The following ZBBX variants were observed in gnomAD, a reference collection of about 807,000 sequenced individuals.
ZBBX encodes the protein zinc finger B-box domain containing, also known as zinc finger B-box domain-containing protein 1.
A neutral mutation model predicts 108.5 loss-of-function variants in ZBBX; 101 were observed. The ratio of observed to expected loss-of-function variants is 0.93; its 90% CI spans 0.79 to 1.10. ZBBX has a LOEUF of 1.10. ZBBX is among the 50% of genes least tolerant of loss of function. The pLI, the probability that ZBBX is intolerant of heterozygous loss-of-function variation, is 0.00. For missense variants in ZBBX, 1,009 were observed against 941.4 expected (o/e 1.07, Z -0.94); for synonymous variants, 356 against 323.4 (o/e 1.10, Z -1.08).
At chr3:167,261,867 A>C (rs1724605122) in intron 20 of ZBBX, among the ~76,000 whole-genome samples, 1 of 151,416 alleles carries the variant, frequency 6.6e-6, no homozygotes, top group Non-Finnish European at 1.5e-5. Flanking sequence ...CCCTCCCCCA[A>C]ATTCTGGACA....
intron 20 of ZBBX, among the ~76,000 whole-genome samples, chr3:167,280,419 CA>C (rs1312908092): frequency 6.6e-6 from 1 of 150,588 alleles, no homozygotes; most frequent in Non-Finnish European, 1.5e-5. Flanking sequence ...AAAAAACAAA[CA>C]ACCCCATCAA....
chr3:167,266,565 T>G (rs1480925387), intron 20 of ZBBX, among the ~76,000 whole-genome samples: 1 of 152,130 alleles, frequency 6.6e-6, no homozygotes, highest in Non-Finnish European at 1.5e-5. Flanking sequence ...TAGAAAAATA[T>G]TTACAAGTAG....
rs1438213442 is a variant in ZBBX at position 167,345,712 on chromosome 3, T to C, written c.528+4708A>G. On this transcript the variant is annotated intron_variant, in intron 9 of 21. Coordinates refer to ENST00000675490, the MANE Select transcript of ZBBX (RefSeq NM_001199201.2). ...CTTTCTTCACATAACTAGAAAAAACTACTTTAAATTTCATATGGAACCAAG... is the reference window on the plus strand; with the variant it reads ...CTTTCTTCACATAACTAGAAAAAACCACTTTAAATTTCATATGGAACCAAG... Among the ~76,000 whole-genome samples the C allele has an allele frequency of 7.2e-5, 11 of 151,730 alleles. No homozygotes were observed. In the Admixed American group the frequency reaches 7.3e-4, roughly 10 times the overall value.
chr3:167,217,975 C>T, the ZBBX span, among the ~76,000 whole-genome samples: 1,251 of 151,012 alleles, frequency 8.3e-3, 21 homozygotes, highest in African/African-American at 0.029. Flanking sequence ...AATCTCTTGA[C>T]CTTGTGATCT....
chr3:167,317,707 G>T (rs1735693534), intron 12 of ZBBX, 110 bp from the exon 13 acceptor site: 1 of 632,498 alleles, frequency 1.6e-6, no homozygotes, highest in South Asian at 2.3e-5. Context: ...AATTAATGAT[G>T]AAACCGTAAC....
intron 17 of ZBBX, among the ~76,000 whole-genome samples, chr3:167,302,074 A>G (rs1732792258): frequency 6.6e-6 from 1 of 150,954 alleles, no homozygotes; most frequent in Non-Finnish European, 1.5e-5. Flanking sequence ...GTGTAATATG[A>G]TTTCTTTAGC....
chr3:167,198,006 A>G, the ZBBX span, among the ~76,000 whole-genome samples: 1 of 152,224 alleles, frequency 6.6e-6, no homozygotes, highest in Admixed American at 6.5e-5. Flanking sequence ...ACAAAAATCT[A>G]TTGATCAACA....
At position 167,305,785 on chromosome 3, in the gene ZBBX, C is replaced by G; in HGVS notation, c.1583G>C (p.Ser528Thr). ...ATCTCTACCTAGCAAAGTGTCCTTG[C>G]TTTCAAGTGATACACAGGAATCATC... Reference protein sequence around the residue: ...KSDDSCVSLESKDTLLGRDLE... With the variant: ...KSDDSCVSLETKDTLLGRDLE... The change falls in exon 17 of 22, where the codon AGC becomes ACC. Residue 528 changes from serine (S) to threonine (T), a missense_variant. Coordinates refer to ENST00000675490, the MANE Select transcript of ZBBX (RefSeq NM_001199201.2). 1 of 1,612,894 alleles carries G rather than the reference C, an allele frequency of 6.2e-7. No homozygotes were observed. The highest frequency in any genetic ancestry group is 8.5e-7 in the Non-Finnish European group (1 of 1,179,426).
chr3:167,320,151 C>T (rs10451920), intron 12 of ZBBX, among the ~76,000 whole-genome samples: 121,079 of 150,664 alleles, frequency 0.8, 48,858 homozygotes, highest in East Asian at 0.91. Flanking sequence ...ATAAAGGGAA[C>T]CAGTATTTTT....
chr3:167,246,107 A>G (rs1721525760), intron 20 of ZBBX, among the ~76,000 whole-genome samples: 3 of 152,188 alleles, frequency 2.0e-5, no homozygotes, highest in African/African-American at 7.2e-5. Context: ...TGCCCCATCT[A>G]CTTCACCAAA....
the ZBBX span, among the ~76,000 whole-genome samples, chr3:167,206,984 A>T: frequency 3.9e-5 from 6 of 152,190 alleles, no homozygotes; most frequent in Non-Finnish European, 8.8e-5. Flanking sequence ...AATCAACATA[A>T]AATGGATTAA....
chr3:167,198,503 A>G, the ZBBX span, among the ~76,000 whole-genome samples: 3 of 152,174 alleles, frequency 2.0e-5, no homozygotes, highest in Non-Finnish European at 4.4e-5. Context: ...AAAGTCAATT[A>G]AAAATATATT....
the ZBBX span, among the ~76,000 whole-genome samples, chr3:167,184,418 C>T: frequency 7.9e-5 from 12 of 152,228 alleles, no homozygotes; most frequent in South Asian, 2.1e-4. Flanking sequence ...TTCAAGTGAT[C>T]GCCCAAGCCA....
At chr3:167,404,671 G>A (rs952848754) in intron 1 of ZBBX, among the ~76,000 whole-genome samples, 1 of 152,156 alleles carries the variant, frequency 6.6e-6, no homozygotes, top group Non-Finnish European at 1.5e-5. Flanking sequence ...TCAAGCTTCA[G>A]TTCTATAGAC....
At chr3:167,356,954 G>A (rs1743677234) in intron 8 of ZBBX, among the ~76,000 whole-genome samples, 2 of 152,156 alleles carry the variant, frequency 1.3e-5, no homozygotes, top group Non-Finnish European at 2.9e-5. Flanking sequence ...TGTGAGGGAA[G>A]ACTATTTATT....
At chr3:167,191,928 T>TAGAGAGAG in the ZBBX span, among the ~76,000 whole-genome samples, 7 of 125,768 alleles carry the variant, frequency 5.6e-5, no homozygotes, top group African/African-American at 2.4e-4. Flanking sequence ...TATATATATA[T>TAGAGAGAG]ATATATAGAG....
chr3:167,227,488 C>A, the ZBBX span, among the ~76,000 whole-genome samples: 1 of 151,694 alleles, frequency 6.6e-6, no homozygotes, highest in African/African-American at 2.4e-5. Flanking sequence ...TCTTATCCTT[C>A]CTTGGGAAGC....
At chr3:167,335,364 G>T (rs575849311) in intron 9 of ZBBX, among the ~76,000 whole-genome samples, 1 of 152,154 alleles carries the variant, frequency 6.6e-6, no homozygotes, top group East Asian at 1.9e-4. Flanking sequence ...GCAAATTTGG[G>T]GAAGGCCCCA....
At chr3:167,236,601 T>C (rs570389177), downstream of ZBBX, among the ~76,000 whole-genome samples, 41 of 151,886 alleles carry the variant, frequency 2.7e-4, no homozygotes, top group South Asian at 8.5e-3. Flanking sequence ...TGTGAATATA[T>C]ACCCTGTTTT....
Sources: allele counts gnomAD v4.1 joint callset (sites outside exome capture counted in the v4.1 genomes callset), GRCh38; gene constraint gnomAD v4.1.1; transcripts MANE v1.5; gene names NCBI Gene and HGNC (gene_info 2026-07-23, HGNC 2026-07-21).